The following CNTNAP2 variants were observed in gnomAD, a reference collection of about 807,000 sequenced individuals.
CNTNAP2 encodes the protein contactin associated protein 2.
CNTNAP2 carries 98 observed loss-of-function variants against 155.2 expected under a neutral mutation model. The ratio of observed to expected loss-of-function variants is 0.63; its 90% CI spans 0.54 to 0.75. The LOEUF (loss-of-function observed/expected upper bound fraction) is 0.75. Among genes scored for constraint, CNTNAP2 ranks in the 30% least tolerant of loss-of-function variants. The pLI is 0.00. For synonymous variants in CNTNAP2, 651 were observed against 631.2 expected (o/e 1.03, Z -0.47); for missense variants, 1,727 against 1,688.1 (o/e 1.02, Z -0.40).
intron 8 of CNTNAP2, among the ~76,000 whole-genome samples, chr7:147,229,831 C>G (rs1323202435): frequency 6.6e-6 from 1 of 152,032 alleles, no homozygotes; most frequent in Non-Finnish European, 1.5e-5. Flanking sequence ...AAAATAAATG[C>G]TATTCAGATT....
chr7:147,968,608 G>T (rs1025373547), intron 14 of CNTNAP2, among the ~76,000 whole-genome samples: 3 of 152,134 alleles, frequency 2.0e-5, no homozygotes, highest in African/African-American at 7.2e-5. Context: ...TTTGTTTTAT[G>T]AACAAAGGCT....
intron 1 of CNTNAP2, among the ~76,000 whole-genome samples, chr7:146,241,193 G>A (rs1197121676): frequency 1.3e-5 from 2 of 152,132 alleles, no homozygotes; most frequent in African/African-American, 4.8e-5. Flanking sequence ...ATGAGATTTA[G>A]GCAGTGACAC....
In CNTNAP2 at chr7:147,153,624, G is replaced by A. The variant is rs535641702; in HGVS notation, c.1348+21115G>A. 3.3e-5 allele frequency among the ~76,000 whole-genome samples: 5 copies of A among 152,240 alleles called. No individual in the cohort carries two copies. The East Asian group carries it at 5.8e-4, about 18-fold the overall frequency. On this transcript the variant is annotated intron_variant, in intron 8 of 23. Coordinates refer to ENST00000361727, the MANE Select transcript of CNTNAP2 (RefSeq NM_014141.6). The stretch of plus-strand genomic sequence containing the variant: ...GTACAGTAAAGAGTAAATGTTTCCT[G>A]AACAAAAGTGAATGACGAGAGAGTA...
At chr7:148,378,216 C>T (rs184899270) in intron 21 of CNTNAP2, among the ~76,000 whole-genome samples, 736 of 68,020 alleles carry the variant, frequency 0.011, 245 homozygotes, top group African/African-American at 0.025. Context: ...GGCACAGTTG[C>T]GGGCCTCTGG....
chr7:146,918,562 A>C (rs1475314197), intron 3 of CNTNAP2, among the ~76,000 whole-genome samples: 1 of 152,204 alleles, frequency 6.6e-6, no homozygotes, highest in African/African-American at 2.4e-5. Context: ...TTAATCTGAT[A>C]GGTTTTCCTT....
At chr7:147,039,291 G>T (rs1457650893) in intron 3 of CNTNAP2, among the ~76,000 whole-genome samples, 1 of 152,078 alleles carries the variant, frequency 6.6e-6, no homozygotes, top group Non-Finnish European at 1.5e-5. Flanking sequence ...GGGGTTTGTT[G>T]TACAGATTAT....
chr7:147,763,419 C>CTTT (rs57029271), intron 13 of CNTNAP2, among the ~76,000 whole-genome samples: 3 of 143,154 alleles, frequency 2.1e-5, no homozygotes, highest in Admixed American at 2.1e-4. Context: ...ACAAATTTTT[C>CTTT]TTTTTTTTTT....
intron 3 of CNTNAP2, among the ~76,000 whole-genome samples, chr7:146,925,479 A>C (rs947593137): frequency 2.6e-5 from 4 of 152,116 alleles, no homozygotes; most frequent in Non-Finnish European, 5.9e-5. Context: ...CAAATGATCT[A>C]TTGTTATGAA....
chr7:147,735,981 G>C (rs1481631889), intron 13 of CNTNAP2, among the ~76,000 whole-genome samples: 2 of 146,078 alleles, frequency 1.4e-5, no homozygotes, highest in Non-Finnish European at 3.1e-5. Context: ...TATCCAATTT[G>C]CCAGTCTGTG....
intron 3 of CNTNAP2, among the ~76,000 whole-genome samples, chr7:146,861,904 CAATT>C (rs1215733601): frequency 2.0e-5 from 3 of 152,152 alleles, no homozygotes; most frequent in East Asian, 3.9e-4. Context: ...CTTGGCAACT[CAATT>C]AACCTCTGGG....
chr7:147,441,172 TC>T (rs1203343517), intron 10 of CNTNAP2, among the ~76,000 whole-genome samples: 4 of 152,028 alleles, frequency 2.6e-5, no homozygotes, highest in Non-Finnish European at 5.9e-5. Context: ...TTTTGTCTCC[TC>T]CGTGTATTTT....
At chr7:147,802,788 G>GGGAGAGGGAGGGGGAGA (rs1798027421) in intron 13 of CNTNAP2, among the ~76,000 whole-genome samples, 2 of 122,214 alleles carry the variant, frequency 1.6e-5, no homozygotes, top group Non-Finnish European at 3.5e-5. Flanking sequence ...GGAGAGGGAG[G>GGGAGAGGGAGGGGGAGA]GGGAGGGGGA....
At chr7:146,863,829 T>C (rs1037565819) in intron 3 of CNTNAP2, among the ~76,000 whole-genome samples, 4 of 152,132 alleles carry the variant, frequency 2.6e-5, no homozygotes, top group African/African-American at 9.7e-5. Context: ...TGTTAGTTGC[T>C]ATTATATAAT....
chr7:146,816,057 C>T (rs1265284880), intron 2 of CNTNAP2, among the ~76,000 whole-genome samples: 4 of 152,150 alleles, frequency 2.6e-5, no homozygotes, highest in African/African-American at 9.7e-5. Flanking sequence ...TGATAGTTGC[C>T]AGCTTCATCC....
At chr7:148,078,878 CAT>C (rs1803545929) in intron 15 of CNTNAP2, among the ~76,000 whole-genome samples, 1 of 152,178 alleles carries the variant, frequency 6.6e-6, no homozygotes. Flanking sequence ...GATTTTAAAA[CAT>C]GTTTACTTTC....
intron 2 of CNTNAP2, among the ~76,000 whole-genome samples, chr7:146,808,081 A>G (rs1262962792): frequency 1.3e-5 from 2 of 152,190 alleles, no homozygotes; most frequent in African/African-American, 4.8e-5. Flanking sequence ...GTTACTTTTC[A>G]CTGGAGACTG....
chr7:146,844,292 G>A (rs1040937808), intron 3 of CNTNAP2, among the ~76,000 whole-genome samples: 8 of 151,988 alleles, frequency 5.3e-5, no homozygotes, highest in African/African-American at 1.2e-4. Context: ...GTTTCTAAAT[G>A]GGCTTAACTA....
At chr7:147,998,192 A>T (rs1302944574) in intron 15 of CNTNAP2, among the ~76,000 whole-genome samples, 1 of 134,782 alleles carries the variant, frequency 7.4e-6, no homozygotes, top group Non-Finnish European at 1.5e-5. Context: ...GCTCCCTGCA[A>T]CCTCTGCCTC....
chr7:148,167,613 G>C (rs1036219596), intron 17 of CNTNAP2, among the ~76,000 whole-genome samples: 1 of 152,202 alleles, frequency 6.6e-6, no homozygotes, highest in Non-Finnish European at 1.5e-5. Context: ...CCCAGAGGGA[G>C]AGCCTGTGAA....
Sources: gnomAD v4.1 joint callset for allele counts (sites outside exome capture counted in the v4.1 genomes callset) on GRCh38, gnomAD v4.1.1 for gene constraint, MANE v1.5 for transcripts, NCBI Gene and HGNC (gene_info 2026-07-23, HGNC 2026-07-21) for gene names.